CNBD1: variants seen among roughly 807,000 people sequenced by gnomAD.
CNBD1 encodes cyclic nucleotide-binding domain-containing protein 1.
CNBD1 carries 71 observed loss-of-function variants against 54.4 expected under a neutral mutation model. That is an observed-to-expected ratio of 1.30 (90% CI 1.08 to 1.59). The LOEUF is 1.59. Among genes scored for constraint, CNBD1 ranks in the 40% most tolerant of loss-of-function variants. CNBD1 has a pLI of 0.00. For missense variants in CNBD1, 659 were observed against 518.0 expected (o/e 1.27, Z -2.64); for synonymous variants, 182 against 170.7 (o/e 1.07, Z -0.51).
chr8:87,357,449 T>G (rs1586043071), intron 10 of CNBD1, among the ~76,000 whole-genome samples: 1 of 152,148 alleles, frequency 6.6e-6, no homozygotes, highest in Non-Finnish European at 1.5e-5. Flanking sequence ...AGTGTACCCA[T>G]AATTAGAGTC....
chr8:87,214,733 GAC>G (rs1814171946), intron 5 of CNBD1, among the ~76,000 whole-genome samples: 1 of 152,180 alleles, frequency 6.6e-6, no homozygotes, highest in Non-Finnish European at 1.5e-5. Flanking sequence ...GTTGAAGCAA[GAC>G]ACATCACACA....
At chr8:87,359,072 T>A (rs1810480352) in intron 10 of CNBD1, among the ~76,000 whole-genome samples, 1 of 152,184 alleles carries the variant, frequency 6.6e-6, no homozygotes, top group Non-Finnish European at 1.5e-5. Context: ...TGGGCATCCC[T>A]TAGCCCAGTC....
At chr8:86,897,535 A>G (rs189385365) in intron 2 of CNBD1, among the ~76,000 whole-genome samples, 83 of 152,336 alleles carry the variant, frequency 5.4e-4, no homozygotes, top group African/African-American at 1.9e-3. Flanking sequence ...CTACCCAAGA[A>G]TGGCTAAAGA....
At chr8:87,073,257 G>A (rs1272045758) in intron 4 of CNBD1, among the ~76,000 whole-genome samples, 1 of 151,766 alleles carries the variant, frequency 6.6e-6, no homozygotes, top group Non-Finnish European at 1.5e-5. Flanking sequence ...TGCCACTTTA[G>A]CTCAGTAAAG....
intron 6 of CNBD1, among the ~76,000 whole-genome samples, chr8:87,255,658 C>T (rs1807994953): frequency 6.6e-6 from 1 of 151,662 alleles, no homozygotes. Flanking sequence ...TCTAAGCTCA[C>T]ACAGTTAACA....
intron 4 of CNBD1, among the ~76,000 whole-genome samples, chr8:87,186,517 TAAAC>T (rs1212440464): frequency 2.0e-5 from 3 of 151,952 alleles, no homozygotes; most frequent in Non-Finnish European, 4.4e-5. Flanking sequence ...AAAGAAACAA[TAAAC>T]AAACAAACAA....
chr8:87,354,496 G>T (rs922604684), intron 10 of CNBD1, among the ~76,000 whole-genome samples: 1 of 151,844 alleles, frequency 6.6e-6, no homozygotes, highest in African/African-American at 2.4e-5. Context: ...ATGTTGGTGT[G>T]CTGCACCCAT....
At chr8:86,883,722 A>G (rs1440945719) in intron 1 of CNBD1, among the ~76,000 whole-genome samples, 1 of 152,208 alleles carries the variant, frequency 6.6e-6, no homozygotes, top group Non-Finnish European at 1.5e-5. Context: ...AAAAATTTCA[A>G]AAAATATGAA....
chr8:87,280,879 G>T (rs1808586953), intron 6 of CNBD1, among the ~76,000 whole-genome samples: 1 of 151,294 alleles, frequency 6.6e-6, no homozygotes, highest in East Asian at 1.9e-4. Flanking sequence ...AATAACATGA[G>T]AATTTACAAG....
At chr8:87,073,016 T>G (rs1810790957) in intron 4 of CNBD1, among the ~76,000 whole-genome samples, 1 of 151,984 alleles carries the variant, frequency 6.6e-6, no homozygotes. Context: ...CTTTCCATTC[T>G]GTATTTTTTT....
intron 4 of CNBD1, among the ~76,000 whole-genome samples, chr8:86,964,399 G>A (rs1808016613): frequency 6.6e-6 from 1 of 152,168 alleles, no homozygotes; most frequent in South Asian, 2.1e-4. Context: ...TCCTATATAA[G>A]ATGTAAAGCT....
chr8:87,307,766 A>ATATATATATATAT (rs1563546010), intron 8 of CNBD1, among the ~76,000 whole-genome samples: 1 of 149,146 alleles, frequency 6.7e-6, no homozygotes, highest in African/African-American at 2.5e-5. Flanking sequence ...ATATATATAT[A>ATATATATATATAT]ACTTAGCAAG....
chr8:87,325,715 T>C (rs1809652944), intron 8 of CNBD1, among the ~76,000 whole-genome samples: 2 of 141,156 alleles, frequency 1.4e-5, no homozygotes, highest in Non-Finnish European at 3.1e-5. Context: ...GTGAGATGGG[T>C]TTCCTGAATA....
chr8:87,024,772 G>A (rs188830327), intron 4 of CNBD1, among the ~76,000 whole-genome samples: 3 of 152,158 alleles, frequency 2.0e-5, no homozygotes, highest in Admixed American at 6.6e-5. Context: ...CCTAGATAAC[G>A]AGATAATTTT....
At chr8:87,034,526 G>C (rs891549137) in intron 4 of CNBD1, among the ~76,000 whole-genome samples, 2 of 152,116 alleles carry the variant, frequency 1.3e-5, no homozygotes, top group Non-Finnish European at 2.9e-5. Context: ...CTGAATCTTT[G>C]TATTTATTTA....
chr8:87,108,940 A>G (rs918474132), intron 4 of CNBD1, among the ~76,000 whole-genome samples: 1 of 152,206 alleles, frequency 6.6e-6, no homozygotes, highest in African/African-American at 2.4e-5. Flanking sequence ...GAATAACAAA[A>G]ATAGCATTTG....
intron 4 of CNBD1, among the ~76,000 whole-genome samples, chr8:87,167,828 G>A (rs1242886137): frequency 1.3e-5 from 2 of 151,832 alleles, no homozygotes; most frequent in Non-Finnish European, 2.9e-5. Context: ...TGAATTATTA[G>A]GTGCATTTTT....
chr8:87,188,461 G>A (rs1813527976), intron 4 of CNBD1, among the ~76,000 whole-genome samples: 1 of 152,134 alleles, frequency 6.6e-6, no homozygotes, highest in African/African-American at 2.4e-5. Context: ...TCGGTGCGGT[G>A]GTTCACACCA....
intron 2 of CNBD1, among the ~76,000 whole-genome samples, chr8:86,899,682 G>C (rs1344853224): frequency 6.6e-6 from 1 of 152,058 alleles, no homozygotes; most frequent in Non-Finnish European, 1.5e-5. Flanking sequence ...CTGCTGGCTT[G>C]CGCTTATGGC....
Sources: allele counts gnomAD v4.1 joint callset (sites outside exome capture counted in the v4.1 genomes callset), GRCh38; gene constraint gnomAD v4.1.1; transcripts MANE v1.5; gene names NCBI Gene and HGNC (gene_info 2026-07-23, HGNC 2026-07-21).